The following AP1S3 variants were observed in gnomAD, a reference collection of about 807,000 sequenced individuals.
AP1S3 encodes the protein adaptor related protein complex 1 subunit sigma 3.
Under a neutral mutation model 20.9 loss-of-function variants are expected in AP1S3, and 10 were observed. That is an observed-to-expected ratio of 0.48 (90% CI 0.29 to 0.81). The LOEUF is 0.81. AP1S3 is among the 30% of genes least tolerant of loss of function. The pLI is 0.08. For synonymous variants in AP1S3, 41 were observed against 61.5 expected, an observed-to-expected ratio of 0.67 and a Z score of 1.56; for missense variants, 154 against 183.8, an observed-to-expected ratio of 0.84 and a Z score of 0.94.
At chr2:223,785,198 C>T (rs758961727) in intron 1 of AP1S3, among the ~76,000 whole-genome samples, 14 of 152,008 alleles carry the variant, frequency 9.2e-5, no homozygotes, top group African/African-American at 1.9e-4. Context: ...AAAAATTAGC[C>T]GGGCGTGGTG....
At chr2:223,773,462 T>C (rs1690680459) in intron 3 of AP1S3, 1 of 1,135,296 alleles carries the variant, frequency 8.8e-7, no homozygotes, top group African/African-American at 1.6e-5. Context: ...AAATTTCTCC[T>C]TAAAAAAATG....
intron 1 of AP1S3, among the ~76,000 whole-genome samples, chr2:223,806,335 G>A (rs953708132): frequency 7.0e-6 from 1 of 143,320 alleles, no homozygotes; most frequent in Non-Finnish European, 1.5e-5. Context: ...CCAGGCTGGA[G>A]TGCAGTGGTG....
At chr2:223,765,438 C>T (rs1186361507) in intron 3 of AP1S3, 88 bp from the exon 4 acceptor site, 3 of 1,395,634 alleles carry the variant, frequency 2.1e-6, no homozygotes, top group Non-Finnish European at 1.9e-6. Context: ...TCAGTTTGCA[C>T]TCATGTGGCG....
chr2:223,761,130 C>T (rs1414637656), intron 4 of AP1S3, among the ~76,000 whole-genome samples: 1 of 152,186 alleles, frequency 6.6e-6, no homozygotes, highest in Non-Finnish European at 1.5e-5. Context: ...GAGCTTGCCA[C>T]TTTAAAGGTT....
intron 1 of AP1S3, among the ~76,000 whole-genome samples, chr2:223,793,755 C>T (rs1162986737): frequency 6.6e-6 from 1 of 152,084 alleles, no homozygotes; most frequent in Non-Finnish European, 1.5e-5. Context: ...CAATCTAAAA[C>T]TTCGTACCCT....
chr2:223,822,513 C>T (rs1692013385), intron 1 of AP1S3, among the ~76,000 whole-genome samples: 1 of 152,008 alleles, frequency 6.6e-6, no homozygotes, highest in Non-Finnish European at 1.5e-5. Flanking sequence ...GGAGAAACCT[C>T]ATCTCTACTA....
intron 1 of AP1S3, among the ~76,000 whole-genome samples, chr2:223,805,709 A>G (rs888041129): frequency 1.3e-5 from 2 of 152,154 alleles, no homozygotes; most frequent in Non-Finnish European, 2.9e-5. Context: ...AATAGCTGGC[A>G]TTTCTTAAAG....
chr2:223,807,983 G>A (rs750096642), intron 1 of AP1S3, among the ~76,000 whole-genome samples: 1 of 142,592 alleles, frequency 7.0e-6, no homozygotes, highest in African/African-American at 2.6e-5. Flanking sequence ...TCCACCTCCC[G>A]GATTCAAGTG....
chr2:223,794,600 G>C (rs1408740584), intron 1 of AP1S3, among the ~76,000 whole-genome samples: 13 of 152,056 alleles, frequency 8.5e-5, no homozygotes, highest in Admixed American at 8.5e-4. Context: ...TCTGCAAACC[G>C]AGAGACCCAG....
At chr2:223,830,421 G>A (rs1306541899) in intron 1 of AP1S3, among the ~76,000 whole-genome samples, 1 of 149,508 alleles carries the variant, frequency 6.7e-6, no homozygotes, top group Admixed American at 6.7e-5. Flanking sequence ...AGAGGTTGCA[G>A]TGAGCCGAGA....
chr2:223,824,564 A>C (rs1692074057), intron 1 of AP1S3, among the ~76,000 whole-genome samples: 1 of 151,746 alleles, frequency 6.6e-6, no homozygotes, highest in Non-Finnish European at 1.5e-5. Context: ...TTTTTTGAGA[A>C]TCTTGCTCTG....
intron 1 of AP1S3, among the ~76,000 whole-genome samples, chr2:223,784,064 GCA>G (rs35968309): frequency 0.86 from 130,658 of 151,792 alleles, 56,356 homozygotes; most frequent in East Asian, 0.98. Flanking sequence ...AACCCGATCA[GCA>G]CCCATCCACT....
At chr2:223,771,461 G>A (rs149564501) in intron 3 of AP1S3, among the ~76,000 whole-genome samples, 161 of 152,200 alleles carry the variant, frequency 1.1e-3, no homozygotes, top group African/African-American at 3.5e-3. Flanking sequence ...CAAATACCCC[G>A]GCTTCTTGCT....
At position 223,756,962 on chromosome 2, in the gene AP1S3, CA is replaced by C; in HGVS notation, c.*1752del. On this transcript the variant is annotated 3_prime_UTR_variant, in exon 5 of 5. Coordinates refer to ENST00000396654, the MANE Select transcript of AP1S3 (RefSeq NM_001039569.2). ...AAACATCAAATAGCAGGCAGCAAGACAGAATACTACAAGCTTTTACTTTTTC... is the reference window on the plus strand; with the variant it reads ...AAACATCAAATAGCAGGCAGCAAGACGAATACTACAAGCTTTTACTTTTTC... 1.0e-6 allele frequency: 1 copy of C among 982,766 alleles called. No individual in the cohort carries two copies. Among genetic ancestry groups the C allele is most frequent in the Non-Finnish European group, 1.2e-6 (1 of 828,040 alleles). 60.9% of individuals were successfully genotyped at this position (982,766 alleles called of 1,614,324 possible).
intron 3 of AP1S3, chr2:223,770,326 C>T: frequency 6.4e-7 from 1 of 1,550,424 alleles, no homozygotes; most frequent in Non-Finnish European, 8.7e-7. Context: ...AATTAAACTC[C>T]TGCAAAGTGA....
At chr2:223,786,873 C>A (rs1264027381) in intron 1 of AP1S3, among the ~76,000 whole-genome samples, 1 of 152,032 alleles carries the variant, frequency 6.6e-6, no homozygotes, top group African/African-American at 2.4e-5. Flanking sequence ...CCACTGCCCT[C>A]CAGCCTGGGT....
intron 1 of AP1S3, among the ~76,000 whole-genome samples, chr2:223,781,901 A>C (rs879294055): frequency 1.1e-4 from 17 of 152,178 alleles, no homozygotes; most frequent in Non-Finnish European, 1.9e-4. Context: ...CTCTTGTTAT[A>C]ATTTAAACCA....
chr2:223,787,062 G>A (rs1289318266), intron 1 of AP1S3, among the ~76,000 whole-genome samples: 7 of 152,186 alleles, frequency 4.6e-5, no homozygotes, highest in African/African-American at 1.7e-4. Context: ...CCATCTCCTT[G>A]ATGCTGTTCT....
intron 1 of AP1S3, among the ~76,000 whole-genome samples, chr2:223,788,215 G>A (rs1234737791): frequency 6.6e-6 from 1 of 151,714 alleles, no homozygotes; most frequent in Non-Finnish European, 1.5e-5. Context: ...CCAAAGTGCT[G>A]GGATTACAGG....
Sources: allele counts gnomAD v4.1 joint callset (sites outside exome capture counted in the v4.1 genomes callset), GRCh38; gene constraint gnomAD v4.1.1; transcripts MANE v1.5; gene names NCBI Gene and HGNC (gene_info 2026-07-23, HGNC 2026-07-21).